STPG2: variants seen among roughly 807,000 people sequenced by gnomAD.
The protein encoded by STPG2 is sperm tail PG-rich repeat containing 2.
A neutral mutation model predicts 54.2 loss-of-function variants in STPG2; 56 were observed. The observed-to-expected ratio is 1.03, with a 90% confidence interval of 0.83 to 1.29. The LOEUF (loss-of-function observed/expected upper bound fraction) is 1.29. Ranked by LOEUF, STPG2 falls within the 50% of genes most tolerant of loss-of-function variation. The pLI, the probability that STPG2 is intolerant of heterozygous loss-of-function variation, is 0.00. For missense variants in STPG2, 596 were observed against 544.9 expected, an observed-to-expected ratio of 1.09 and a Z score of -0.93; for synonymous variants, 200 against 181.8, an observed-to-expected ratio of 1.10 and a Z score of -0.81.
chr4:97,831,827 T>C (rs984298711), intron 9 of STPG2, among the ~76,000 whole-genome samples: 9 of 152,184 alleles, frequency 5.9e-5, no homozygotes, highest in African/African-American at 9.6e-5. Flanking sequence ...CAGGAAGAAG[T>C]TGAATCCCTG....
At chr4:97,568,651 A>T (rs1029903768) in intron 10 of STPG2, among the ~76,000 whole-genome samples, 1 of 151,954 alleles carries the variant, frequency 6.6e-6, no homozygotes, top group Non-Finnish European at 1.5e-5. Flanking sequence ...AATAATAATT[A>T]AAAAAAACAG....
At chr4:97,973,460 T>C (rs1459505123) in intron 6 of STPG2, among the ~76,000 whole-genome samples, 1 of 152,072 alleles carries the variant, frequency 6.6e-6, no homozygotes, top group East Asian at 1.9e-4. Context: ...AATTTGACAA[T>C]GATAGAAAAA....
At chr4:98,060,617 A>C (rs10032987) in intron 5 of STPG2, among the ~76,000 whole-genome samples, 59,883 of 151,938 alleles carry the variant, frequency 0.39, 12,028 homozygotes, top group Middle Eastern at 0.46. Context: ...AGGCAATCCT[A>C]AGCAAAAAGA....
rs186914344 is a variant in STPG2 at position 98,087,432 on chromosome 4, C to T, written c.612+18521G>A. Reference sequence around the variant, plus strand: ...AGTCTCACTAGCCAACCATATTAGTCTGCCAGCTACACGTTTTCTACTTCT... The same window carrying T: ...AGTCTCACTAGCCAACCATATTAGTTTGCCAGCTACACGTTTTCTACTTCT... On this transcript the variant is annotated intron_variant, in intron 5 of 10. Coordinates refer to ENST00000295268, the MANE Select transcript of STPG2 (RefSeq NM_174952.3). Among the ~76,000 whole-genome samples, 647 of 152,284 alleles carry T rather than the reference C, an allele frequency of 4.2e-3. 3 individuals carry two copies. Among genetic ancestry groups the T allele is most frequent in the South Asian group, 0.024 (118 of 4,828 alleles).
intron 10 of STPG2, among the ~76,000 whole-genome samples, chr4:97,677,767 G>T (rs963197130): frequency 2.3e-4 from 35 of 152,196 alleles, no homozygotes; most frequent in African/African-American, 8.2e-4. Flanking sequence ...TGGTGAGCTG[G>T]CTGAAGCCCA....
chr4:97,732,186 A>G (rs1724820569), intron 9 of STPG2, among the ~76,000 whole-genome samples: 1 of 152,114 alleles, frequency 6.6e-6, no homozygotes, highest in Admixed American at 6.5e-5. Flanking sequence ...CAGCTGCCCC[A>G]TTCACAAAAT....
chr4:98,109,386 T>C, intron 3 of STPG2, 81 bp from the exon 4 acceptor site: 1 of 1,029,610 alleles, frequency 9.7e-7, no homozygotes, highest in Non-Finnish European at 1.4e-6. Flanking sequence ...TTTACCTAAG[T>C]CTAAATCTAA....
chr4:97,580,198 G>A (rs1381602180), intron 10 of STPG2, among the ~76,000 whole-genome samples: 1 of 151,874 alleles, frequency 6.6e-6, no homozygotes, highest in East Asian at 1.9e-4. Context: ...GACACTCATT[G>A]TCCGTATTTA....
intron 10 of STPG2, among the ~76,000 whole-genome samples, chr4:97,591,961 C>T (rs1733156690): frequency 6.6e-6 from 1 of 151,994 alleles, no homozygotes; most frequent in Admixed American, 6.6e-5. Flanking sequence ...TATCCCAGTA[C>T]CTGAAAATCA....
Position 98,109,264 on chromosome 4 carries a change from A to C in STPG2, c.429T>G (p.Phe143Leu), listed in dbSNP as rs775308772. The change falls in exon 4 of 11, where the codon TTT becomes TTG. Residue 143 changes from phenylalanine (F) to leucine (L), a missense_variant. By Grantham distance (22) the Phe-to-Leu change is conservative. Coordinates refer to ENST00000295268, the MANE Select transcript of STPG2 (RefSeq NM_174952.3). ...ACTCTTGTCTTCCTGAAGAGTTGCC[A>C]AAATGTATACCTTTGTATTTCAAAG... ...NATLKYKGIH[F>L]GNSSGRQELP... 2.5e-6 allele frequency: 4 copies of C among 1,611,238 alleles called. No homozygotes were observed. Among genetic ancestry groups the C allele is most frequent in the Non-Finnish European group, 3.4e-6 (4 of 1,178,536 alleles).
intron 9 of STPG2, among the ~76,000 whole-genome samples, chr4:97,795,983 C>G (rs575847212): frequency 6.6e-6 from 1 of 152,306 alleles, no homozygotes; most frequent in African/African-American, 2.4e-5. Context: ...TGTCTGTTGG[C>G]TGCATAAATG....
intron 8 of STPG2, among the ~76,000 whole-genome samples, chr4:97,901,733 A>T (rs1731184338): frequency 6.6e-6 from 1 of 151,958 alleles, no homozygotes; most frequent in Non-Finnish European, 1.5e-5. Flanking sequence ...TACTGTCAAA[A>T]CATTACTGAA....
intron 10 of STPG2, among the ~76,000 whole-genome samples, chr4:97,627,466 T>C (rs1033618555): frequency 6.6e-6 from 1 of 152,216 alleles, no homozygotes; most frequent in African/African-American, 2.4e-5. Flanking sequence ...ACTAGGATAC[T>C]TAACATACTT....
At chr4:98,100,337 A>G (rs1738989069) in intron 5 of STPG2, among the ~76,000 whole-genome samples, 2 of 152,180 alleles carry the variant, frequency 1.3e-5, no homozygotes, top group Admixed American at 1.3e-4. Context: ...TGTTAGATAA[A>G]TATATCAAAA....
At chr4:97,554,551 C>G (rs562498762), downstream of STPG2, among the ~76,000 whole-genome samples, 1 of 152,230 alleles carries the variant, frequency 6.6e-6, no homozygotes, top group East Asian at 1.9e-4. Flanking sequence ...TCTCATTTCT[C>G]TACTGTTAAA....
chr4:97,470,690 GTCTTTC>G (rs1729902794), intron 4 of STPG2, among the ~76,000 whole-genome samples: 1 of 151,880 alleles, frequency 6.6e-6, no homozygotes, highest in South Asian at 2.1e-4. Context: ...TATGAATGTG[GTCTTTC>G]TCTTTCTCTC....
At chr4:97,503,679 C>T (rs2148835161) in intron 4 of STPG2, among the ~76,000 whole-genome samples, 1 of 150,724 alleles carries the variant, frequency 6.6e-6, no homozygotes, top group Non-Finnish European at 1.5e-5. Flanking sequence ...TTTAAATATA[C>T]ATTAAGTAGC....
At chr4:98,142,893 G>A (rs1740337976) in intron 1 of STPG2, 149 bp downstream of exon 1, 2 of 719,860 alleles carry the variant, frequency 2.8e-6, no homozygotes, top group South Asian at 3.1e-5. Flanking sequence ...TAAAATAAAA[G>A]TATAGTGTTT....
intron 9 of STPG2, among the ~76,000 whole-genome samples, chr4:97,721,560 TAA>T (rs1724449410): frequency 6.6e-6 from 1 of 152,128 alleles, no homozygotes; most frequent in Non-Finnish European, 1.5e-5. Flanking sequence ...CTTCTTATTA[TAA>T]GACTTATTTT....
Sources: allele counts gnomAD v4.1 joint callset (sites outside exome capture counted in the v4.1 genomes callset), GRCh38; gene constraint gnomAD v4.1.1; transcripts MANE v1.5; gene names NCBI Gene and HGNC (gene_info 2026-07-23, HGNC 2026-07-21).